Variants in CD72 observed in about 807,000 individuals in gnomAD.
The protein encoded by CD72 is B-cell differentiation antigen CD72.
In CD72, 28 loss-of-function variants were observed where a neutral mutation model predicts 50.7. The observed-to-expected ratio is 0.55, with a 90% confidence interval of 0.41 to 0.76. The LOEUF is 0.76. CD72 is among the 30% of genes least tolerant of loss of function. CD72 has a pLI of 0.00. For missense variants in CD72, 403 were observed against 420.6 expected (o/e 0.96, Z 0.37); for synonymous variants, 176 against 171.2 (o/e 1.03, Z -0.22).
intron 1 of CD72, among the ~76,000 whole-genome samples, chr9:35,632,565 GTTTAT>G (rs1027010679): frequency 1.3e-4 from 19 of 147,928 alleles, no homozygotes; most frequent in Non-Finnish European, 2.4e-4. Context: ...CTTGCAAGAG[GTTTAT>G]TTTATTAGCT....
chr9:35,617,976 G>GC (rs774462740), intron 2 of CD72, 38 bp downstream of exon 2: 79 of 1,204,586 alleles, frequency 6.6e-5, no homozygotes, highest in Non-Finnish European at 9.7e-5. Context: ...TCAAGACACA[G>GC]CCCCCCAACA....
chr9:35,638,959 G>A (rs1823315510), intron 1 of CD72, among the ~76,000 whole-genome samples: 1 of 152,098 alleles, frequency 6.6e-6, no homozygotes, highest in East Asian at 1.9e-4. Flanking sequence ...TTCCTGGCCC[G>A]CTTGGCAGCA....
At chr9:35,610,538 G>A (rs1822962274) in intron 8 of CD72, 64 bp downstream of exon 8, 1 of 312,140 alleles carries the variant, frequency 3.2e-6, no homozygotes, top group Admixed American at 7.7e-5. Flanking sequence ...CCTGCTCTGA[G>A]TCCCTGCTCT....
Position 35,618,233 on chromosome 9 carries a change from C to A in CD72, c.71G>T (p.Arg24Leu), listed in dbSNP as rs751000794. 4 of 1,614,072 alleles carry A rather than the reference C, an allele frequency of 2.5e-6. No individual in the cohort carries two copies. The highest frequency in any genetic ancestry group is 1.7e-6 in the Non-Finnish European group (2 of 1,179,936). The change falls in exon 1 of 9, where the codon CGG (arginine) becomes CTG (leucine). Residue 24 changes from arginine (R) to leucine (L), a missense_variant. By Grantham distance (102) the Arg-to-Leu change is moderately radical. Transcript: ENST00000259633. ...KAPLKKSISS[R>L]LGQDPGADDD... ...CTCATCCCCCTTACCCTGTCCTAAC[C>A]GGCTGGAGATGCTCTTCTTCAGGGG...
chr9:35,610,621 G>A lies in CD72; in HGVS notation c.*3C>T. Reference sequence around the variant, plus strand: ...TCTTACCAACTCAGTGCAAAGGACTGTCCTAATCTGGAAACCTGAAAGCTG... The same window carrying A: ...TCTTACCAACTCAGTGCAAAGGACTATCCTAATCTGGAAACCTGAAAGCTG... On this transcript the variant is annotated 3_prime_UTR_variant, in exon 8 of 9. Transcript: ENST00000259633. 1 of 1,613,660 alleles carries A rather than the reference G, an allele frequency of 6.2e-7. No homozygotes were observed. The highest frequency in any genetic ancestry group is 8.5e-7 in the Non-Finnish European group (1 of 1,179,718).
At chr9:35,633,227 C>T (rs1425833165) in intron 1 of CD72, among the ~76,000 whole-genome samples, 4 of 151,700 alleles carry the variant, frequency 2.6e-5, no homozygotes, top group Non-Finnish European at 4.4e-5. Context: ...CAGGCATGAG[C>T]CACTGTGCCT....
intron 5 of CD72, among the ~76,000 whole-genome samples, chr9:35,613,236 T>C (rs1488150137): frequency 7.2e-5 from 11 of 152,138 alleles, no homozygotes; most frequent in Non-Finnish European, 4.4e-5. Flanking sequence ...TAGGGCTGAT[T>C]TTATTACCCC....
At chr9:35,638,617 G>A (rs191434193) in intron 1 of CD72, among the ~76,000 whole-genome samples, 57 of 150,876 alleles carry the variant, frequency 3.8e-4, no homozygotes, top group Admixed American at 1.3e-3. Flanking sequence ...CAGGAATTCC[G>A]ATATCTAACT....
upstream of CD72, among the ~76,000 whole-genome samples, chr9:35,620,281 A>G (rs1049656978): frequency 2.0e-5 from 3 of 152,164 alleles, no homozygotes; most frequent in Admixed American, 2.0e-4. Context: ...TCTGTGGCCA[A>G]CATAGTGAAA....
Position 35,610,764 on chromosome 9 carries a change from G to A in CD72, c.951-11C>T, listed in dbSNP as rs1281003522. 2.5e-6 allele frequency: 4 copies of A among 1,607,194 alleles called. No individual in the cohort carries two copies. Among genetic ancestry groups the A allele is most frequent in the Admixed American group, 3.3e-5 (2 of 59,992 alleles). ...CTTTGAGCATAAGTCCTAAAAAGTA[G>A]TAAGGTAGAGCTGGGATATGCTCTG... On this transcript the variant is annotated splice_polypyrimidine_tract_variant and intron_variant, in intron 7 of 8. Coordinates refer to ENST00000259633, the MANE Select transcript of CD72 (RefSeq NM_001782.3).
intron 8 of CD72, 78 bp downstream of exon 8, chr9:35,610,524 G>C (rs1015559593): frequency 5.7e-6 from 6 of 1,059,730 alleles, no homozygotes; most frequent in Non-Finnish European, 7.7e-6. Flanking sequence ...CGGGCCCCTG[G>C]GCCCCTGCTC....
intron 2 of CD72, 108 bp downstream of exon 2, chr9:35,617,906 G>A: frequency 1.3e-6 from 1 of 767,124 alleles, no homozygotes; most frequent in Non-Finnish European, 2.4e-6. Flanking sequence ...ACTCCAGCCT[G>A]AGTGACAGAA....
intron 7 of CD72, among the ~76,000 whole-genome samples, chr9:35,611,493 A>G (rs996781132): frequency 2.0e-5 from 3 of 152,190 alleles, no homozygotes; most frequent in African/African-American, 7.2e-5. Flanking sequence ...GGATGGAGAA[A>G]CGCTGCTGTC....
At chr9:35,612,454 A>G (rs1252041270) in intron 6 of CD72, among the ~76,000 whole-genome samples, 1 of 152,138 alleles carries the variant, frequency 6.6e-6, no homozygotes, top group Non-Finnish European at 1.5e-5. Context: ...GCGTGGTGGC[A>G]TGTGACTGTA....
intron 1 of CD72, among the ~76,000 whole-genome samples, chr9:35,638,797 A>G (rs1177595994): frequency 6.6e-6 from 1 of 151,756 alleles, no homozygotes; most frequent in Non-Finnish European, 1.5e-5. Flanking sequence ...GAGGACCCCC[A>G]AAGGAACTAT....
At chr9:35,627,552 G>A (rs867932599) in intron 1 of CD72, among the ~76,000 whole-genome samples, 13 of 152,236 alleles carry the variant, frequency 8.5e-5, no homozygotes, top group South Asian at 2.1e-4. Context: ...GGGATTCATG[G>A]GTGCCCCTTG....
chr9:35,618,305 G>T lies in CD72; in HGVS notation c.-2C>A, dbSNP rs1563896350. 6.2e-7 allele frequency: 1 copy of T among 1,614,152 alleles called. No individual in the cohort carries two copies. The highest frequency in any genetic ancestry group is 8.5e-7 in the Non-Finnish European group (1 of 1,179,984). ...TGCATAGGTGATGGCCTCAGCCATG[G>T]TCCTGAGCAGCTCTGCCCCCACTCG... On this transcript the variant is annotated 5_prime_UTR_variant, in exon 1 of 9. Coordinates refer to ENST00000259633, the MANE Select transcript of CD72 (RefSeq NM_001782.3).
chr9:35,641,062 T>C (rs62545501), intron 1 of CD72, among the ~76,000 whole-genome samples: 3,210 of 152,290 alleles, frequency 0.021, 54 homozygotes, highest in Non-Finnish European at 0.029. Flanking sequence ...CAGCTAGTCT[T>C]GTCTCTCAGT....
chr9:35,630,935 T>C (rs1823241103), intron 1 of CD72, among the ~76,000 whole-genome samples: 1 of 152,168 alleles, frequency 6.6e-6, no homozygotes, highest in Non-Finnish European at 1.5e-5. Context: ...AGTAATCTGT[T>C]TCAAGAGGAT....
Sources: gnomAD v4.1 joint callset for allele counts (sites outside exome capture counted in the v4.1 genomes callset) on GRCh38, gnomAD v4.1.1 for gene constraint, MANE v1.5 for transcripts, NCBI Gene and HGNC (gene_info 2026-07-23, HGNC 2026-07-21) for gene names.